UTRN: variants seen among roughly 807,000 people sequenced by gnomAD.
UTRN encodes utrophin, also known as dystrophin-related protein 1.
Under a neutral mutation model 463.9 loss-of-function variants are expected in UTRN, and 283 were observed. The observed-to-expected ratio is 0.61, with a 90% CI of 0.55 to 0.67. UTRN has a LOEUF of 0.67. UTRN is among the 30% of genes least tolerant of loss of function. The probability of loss-of-function intolerance (pLI) is 0.00; values close to 1 mark genes in which losing one functional copy is unlikely to be tolerated. For synonymous variants in UTRN, 1,442 were observed against 1,431.5 expected, an observed-to-expected ratio of 1.01 and a Z score of -0.17; for missense variants, 3,922 against 4,084.3, an observed-to-expected ratio of 0.96 and a Z score of 1.08.
At chr6:144,637,698 C>T (rs1422611184) in intron 51 of UTRN, among the ~76,000 whole-genome samples, 1 of 151,344 alleles carries the variant, frequency 6.6e-6, no homozygotes, top group African/African-American at 2.4e-5. Context: ...CAACATCTTG[C>T]CTTTTCCCCT....
At chr6:144,601,625 G>A (rs1585501404) in intron 51 of UTRN, among the ~76,000 whole-genome samples, 2 of 152,326 alleles carry the variant, frequency 1.3e-5, no homozygotes, top group East Asian at 3.9e-4. Context: ...TACTCCTGGT[G>A]AAGATGCTAT....
intron 3 of UTRN, among the ~76,000 whole-genome samples, chr6:144,416,220 G>A (rs1044753226): frequency 2.0e-5 from 3 of 152,148 alleles, no homozygotes; most frequent in African/African-American, 7.2e-5. Context: ...TGGTGTGCCT[G>A]TAGACAAGAT....
chr6:144,618,014 T>C (rs950506020), intron 51 of UTRN, among the ~76,000 whole-genome samples: 10 of 152,206 alleles, frequency 6.6e-5, no homozygotes, highest in African/African-American at 2.4e-4. Flanking sequence ...ATTGTTTCTC[T>C]AAAAGCTTGC....
intron 53 of UTRN, among the ~76,000 whole-genome samples, chr6:144,728,727 T>C (rs1788189737): frequency 6.6e-6 from 1 of 152,240 alleles, no homozygotes; most frequent in Non-Finnish European, 1.5e-5. Context: ...TTTTATTTTA[T>C]CCTATATCCT....
intron 51 of UTRN, among the ~76,000 whole-genome samples, chr6:144,658,964 T>A (rs1026360577): frequency 1.2e-4 from 18 of 152,386 alleles, no homozygotes; most frequent in East Asian, 3.9e-4. Flanking sequence ...TTAAGTTTTA[T>A]GTCAGAAACA....
In UTRN at chr6:144,453,778, G is replaced by T. The variant is rs143219327; in HGVS notation, c.2197-4G>T. On this transcript the variant is annotated splice_region_variant and splice_polypyrimidine_tract_variant and intron_variant, in intron 18 of 74. Coordinates refer to ENST00000367545, the MANE Select transcript of UTRN (RefSeq NM_007124.3). Reference sequence around the variant, plus strand: ...ATATTCTTATGTTGGGACTTCATTTGCAGGCATTAGAAAAAGAACAGAGAG... The same window carrying T: ...ATATTCTTATGTTGGGACTTCATTTTCAGGCATTAGAAAAAGAACAGAGAG... 1.1e-4 allele frequency: 177 copies of T among 1,611,086 alleles called. No individual in the cohort carries two copies. In the African/African-American group the frequency reaches 2.1e-3, roughly 19 times the overall value.
At chr6:144,404,296 TG>T (rs1783191710) in intron 3 of UTRN, among the ~76,000 whole-genome samples, 1 of 152,218 alleles carries the variant, frequency 6.6e-6, no homozygotes. Flanking sequence ...GGCAGTTATA[TG>T]TGTAGGATTA....
At chr6:144,726,457 C>T (rs920364428) in intron 53 of UTRN, among the ~76,000 whole-genome samples, 3 of 152,148 alleles carry the variant, frequency 2.0e-5, no homozygotes, top group Admixed American at 1.3e-4. Flanking sequence ...ACAGATCCCC[C>T]AAGGCTCTAC....
At chr6:144,460,239 G>A (rs1308711549) in intron 21 of UTRN, among the ~76,000 whole-genome samples, 5 of 152,164 alleles carry the variant, frequency 3.3e-5, no homozygotes, top group Non-Finnish European at 7.4e-5. Context: ...AAGGTTCACT[G>A]TTAAAGATTT....
intron 2 of UTRN, among the ~76,000 whole-genome samples, chr6:144,393,838 G>T (rs1782156134): frequency 6.6e-6 from 1 of 152,122 alleles, no homozygotes; most frequent in South Asian, 2.1e-4. Context: ...TGTTCATTGT[G>T]GCCCTTAAGG....
chr6:144,852,083 G>A lies in UTRN; in HGVS notation c.*1086G>A, dbSNP rs1782516761. Reference sequence around the variant, plus strand: ...TGAAACTCCTAGTTGTTTTCTTGTTGAAAGCAGACACACATTTAGTGCACG... The same window carrying A: ...TGAAACTCCTAGTTGTTTTCTTGTTAAAAGCAGACACACATTTAGTGCACG... On this transcript the variant is annotated 3_prime_UTR_variant, in exon 75 of 75. Coordinates refer to ENST00000367545, the MANE Select transcript of UTRN (RefSeq NM_007124.3). 6.6e-6 allele frequency: 1 copy of A among 152,102 alleles called. No homozygotes were observed. The highest frequency in any genetic ancestry group is 2.4e-5 in the African/African-American group (1 of 41,418). 9.4% of individuals were successfully genotyped at this position (152,102 alleles called of 1,614,324 possible). A position where few individuals can be genotyped will look rare whatever the true frequency, so the allele number is the denominator to read the frequency against.
At chr6:144,628,791 A>G (rs1776209379) in intron 51 of UTRN, among the ~76,000 whole-genome samples, 1 of 152,182 alleles carries the variant, frequency 6.6e-6, no homozygotes, top group African/African-American at 2.4e-5. Flanking sequence ...TGAGGATGAT[A>G]GATCTGACGA....
chr6:144,773,577 AG>A (rs1369924548), intron 59 of UTRN, among the ~76,000 whole-genome samples: 1 of 152,244 alleles, frequency 6.6e-6, no homozygotes, highest in Non-Finnish European at 1.5e-5. Context: ...ACCTGACATG[AG>A]AACCTTCAGA....
chr6:144,701,684 A>G (rs1472322580), intron 53 of UTRN, among the ~76,000 whole-genome samples: 1 of 152,176 alleles, frequency 6.6e-6, no homozygotes, highest in Admixed American at 6.5e-5. Context: ...AGGTGACACT[A>G]TGATTCTATT....
intron 51 of UTRN, among the ~76,000 whole-genome samples, chr6:144,635,253 C>T (rs1040326779): frequency 3.3e-5 from 5 of 149,848 alleles, no homozygotes; most frequent in Non-Finnish European, 5.9e-5. Context: ...TGGGCTCAAG[C>T]GATCCTCCCA....
At chr6:144,486,819 C>T (rs1238556055) in intron 28 of UTRN, among the ~76,000 whole-genome samples, 1 of 152,064 alleles carries the variant, frequency 6.6e-6, no homozygotes, top group Non-Finnish European at 1.5e-5. Flanking sequence ...CGCACTTGGC[C>T]AGGCTTTGGA....
chr6:144,447,521 C>T (rs1787817123), intron 15 of UTRN, 81 bp from the exon 16 acceptor site: 3 of 1,502,256 alleles, frequency 2.0e-6, no homozygotes, highest in African/African-American at 2.8e-5. Flanking sequence ...ATAAAAGATA[C>T]ATGTTTAAAA....
At chr6:144,455,477 A>G (rs988006809) in intron 19 of UTRN, among the ~76,000 whole-genome samples, 2 of 152,184 alleles carry the variant, frequency 1.3e-5, no homozygotes, top group Non-Finnish European at 2.9e-5. Flanking sequence ...CTTCTACCTC[A>G]GCATTGTACC....
At chr6:144,765,981 G>T (rs1007568394) in intron 58 of UTRN, among the ~76,000 whole-genome samples, 3 of 151,780 alleles carry the variant, frequency 2.0e-5, no homozygotes, top group Non-Finnish European at 4.4e-5. Flanking sequence ...GCCTTTAAAA[G>T]CTTAGAGGAC....
Sources: gnomAD v4.1 joint callset for allele counts (sites outside exome capture counted in the v4.1 genomes callset) on GRCh38, gnomAD v4.1.1 for gene constraint, MANE v1.5 for transcripts, NCBI Gene and HGNC (gene_info 2026-07-23, HGNC 2026-07-21) for gene names.